NLGN1: variants seen among roughly 807,000 people sequenced by gnomAD.
The protein encoded by NLGN1 is neuroligin 1.
NLGN1 carries 12 observed loss-of-function variants against 65.5 expected under a neutral mutation model. The ratio of observed to expected loss-of-function variants is 0.18; its 90% CI spans 0.12 to 0.30. NLGN1 has a LOEUF of 0.30. Among genes scored for constraint, NLGN1 ranks in the 10% least tolerant of loss-of-function variants. NLGN1 has a pLI of 1.00. For synonymous variants in NLGN1, 350 were observed against 359.5 expected (o/e 0.97, Z 0.30); for missense variants, 750 against 1,007.1 (o/e 0.74, Z 3.46).
chr3:174,093,169 G>C (rs1744853760), intron 4 of NLGN1, among the ~76,000 whole-genome samples: 1 of 152,184 alleles, frequency 6.6e-6, no homozygotes, highest in African/African-American at 2.4e-5. Context: ...GCATTAGCCG[G>C]AAAGGTATTG....
rs183620569 is a variant in NLGN1 at position 173,508,619 on chromosome 3, G to A, written c.-321+73541G>A. ...TCCTCTATGGTTGTTCTTCTCTGGAGCCCTCTACTCCTGCCTTCCCTCTGC... is the reference window on the plus strand; with the variant it reads ...TCCTCTATGGTTGTTCTTCTCTGGAACCCTCTACTCCTGCCTTCCCTCTGC... On this transcript the variant is annotated intron_variant, in intron 2 of 6. Coordinates refer to ENST00000457714, the Ensembl canonical transcript of NLGN1. Among the ~76,000 whole-genome samples the A allele has an allele frequency of 2.0e-3, 312 of 152,212 alleles. 1 individual carries two copies. The highest frequency in any genetic ancestry group is 7.1e-3 in the African/African-American group (295 of 41,540).
intron 3 of NLGN1, chr3:173,800,384 CA>C: frequency 1.1e-6 from 1 of 890,112 alleles, no homozygotes; most frequent in Non-Finnish European, 1.5e-6. Context: ...ATTTGCATGA[CA>C]AGGGCCTCAA....
chr3:173,857,529 A>C (rs905353464), intron 4 of NLGN1, among the ~76,000 whole-genome samples: 1 of 152,090 alleles, frequency 6.6e-6, no homozygotes, highest in Admixed American at 6.6e-5. Context: ...CACAATGGAC[A>C]ATATTGTTAT....
At chr3:174,275,234 C>T (rs1750323319) in intron 4 of NLGN1, 81 bp from the exon 5 acceptor site, 1 of 1,009,522 alleles carries the variant, frequency 9.9e-7, no homozygotes, top group Non-Finnish European at 1.5e-6. Context: ...TTGATTAATA[C>T]AGGCTTCATT....
intron 4 of NLGN1, among the ~76,000 whole-genome samples, chr3:173,947,353 C>T (rs1747384575): frequency 6.6e-6 from 1 of 152,006 alleles, no homozygotes; most frequent in Non-Finnish European, 1.5e-5. Flanking sequence ...TCTTAACATA[C>T]AATAGTGATA....
At chr3:174,283,344 A>T (rs908373117) in exon 7 of NLGN1, 3 of 151,472 alleles carry the variant, frequency 2.0e-5, no homozygotes, top group African/African-American at 4.8e-5. Context: ...AATCCATGAA[A>T]AAAAGAAAGA....
chr3:173,889,276 C>T (rs1322306417), intron 4 of NLGN1, among the ~76,000 whole-genome samples: 3 of 152,086 alleles, frequency 2.0e-5, no homozygotes, highest in African/African-American at 7.2e-5. Flanking sequence ...TGCCTGTAGA[C>T]AGTATGACAA....
chr3:174,138,940 A>G (rs985420564), intron 4 of NLGN1, among the ~76,000 whole-genome samples: 1 of 152,166 alleles, frequency 6.6e-6, no homozygotes, highest in African/African-American at 2.4e-5. Flanking sequence ...TAAACTTAAA[A>G]CTTCTTTAAA....
intron 3 of NLGN1, among the ~76,000 whole-genome samples, chr3:173,722,941 G>A (rs1771101257): frequency 6.6e-6 from 1 of 152,148 alleles, no homozygotes; most frequent in South Asian, 2.1e-4. Flanking sequence ...TTTGAGATGG[G>A]CAAGAATATT....
chr3:174,249,214 G>A (rs1270459779), intron 4 of NLGN1, among the ~76,000 whole-genome samples: 6 of 152,060 alleles, frequency 3.9e-5, no homozygotes, highest in Non-Finnish European at 8.8e-5. Context: ...TTTATGTATA[G>A]CCATAAGCTG....
chr3:174,041,756 ATTAT>A (rs1732364707), intron 4 of NLGN1, among the ~76,000 whole-genome samples: 1 of 152,154 alleles, frequency 6.6e-6, no homozygotes, highest in South Asian at 2.1e-4. Context: ...TTGGCCATAT[ATTAT>A]TTTGCGAAAG....
intron 2 of NLGN1, among the ~76,000 whole-genome samples, chr3:173,515,672 G>T (rs1412175464): frequency 1.3e-5 from 2 of 151,814 alleles, no homozygotes; most frequent in East Asian, 1.9e-4. Flanking sequence ...GTGATAGAAG[G>T]GTCCAATTTC....
chr3:174,132,961 C>T (rs1313513206), intron 4 of NLGN1, among the ~76,000 whole-genome samples: 1 of 152,162 alleles, frequency 6.6e-6, no homozygotes, highest in Non-Finnish European at 1.5e-5. Flanking sequence ...CCAACACCCT[C>T]CCCAAAGTTG....
At chr3:173,766,285 C>T (rs745564339) in intron 3 of NLGN1, among the ~76,000 whole-genome samples, 2 of 151,962 alleles carry the variant, frequency 1.3e-5, no homozygotes, top group African/African-American at 2.4e-5. Context: ...GACGGGGTTT[C>T]GCCATATTGG....
chr3:173,835,934 T>A (rs1200614435), intron 4 of NLGN1, among the ~76,000 whole-genome samples: 1 of 152,156 alleles, frequency 6.6e-6, no homozygotes, highest in African/African-American at 2.4e-5. Flanking sequence ...CTATTTCCCT[T>A]GATCCTCACA....
At chr3:173,879,718 C>A (rs565863019) in intron 4 of NLGN1, among the ~76,000 whole-genome samples, 1 of 151,646 alleles carries the variant, frequency 6.6e-6, no homozygotes, top group Admixed American at 6.6e-5. Flanking sequence ...CAGTTATGTT[C>A]TTCCAAATGT....
At chr3:173,955,052 A>C (rs1241366636) in intron 4 of NLGN1, among the ~76,000 whole-genome samples, 1 of 152,198 alleles carries the variant, frequency 6.6e-6, no homozygotes, top group Non-Finnish European at 1.5e-5. Context: ...TGTAGCACAA[A>C]AGCTGCCACA....
intron 4 of NLGN1, among the ~76,000 whole-genome samples, chr3:173,838,506 G>A (rs992299369): frequency 6.6e-6 from 1 of 152,062 alleles, no homozygotes; most frequent in African/African-American, 2.4e-5. Context: ...CTGTAAAAAT[G>A]TTTGCCAACC....
Position 173,545,660 on chromosome 3 carries a change from A to G in NLGN1, c.-320-58619A>G, listed in dbSNP as rs534147981. Among the ~76,000 whole-genome samples, 15 of 152,302 alleles carry G rather than the reference A, an allele frequency of 9.8e-5. No homozygotes were observed. In the South Asian group the frequency reaches 3.1e-3, roughly 32 times the overall value. Reference sequence around the variant, plus strand: ...CTTGCACATGTATGTTTATTGCAGCACTGTTCACAATAGCAAAGACTTGGG... The same window carrying G: ...CTTGCACATGTATGTTTATTGCAGCGCTGTTCACAATAGCAAAGACTTGGG... On this transcript the variant is annotated intron_variant, in intron 2 of 6. Coordinates refer to ENST00000457714, the Ensembl canonical transcript of NLGN1.
Sources: allele counts gnomAD v4.1 joint callset (sites outside exome capture counted in the v4.1 genomes callset), GRCh38; gene constraint gnomAD v4.1.1; transcripts MANE v1.5; gene names NCBI Gene and HGNC (gene_info 2026-07-23, HGNC 2026-07-21).